The following USP37 variants were observed in gnomAD, a reference collection of about 807,000 sequenced individuals.
The protein encoded by USP37 is ubiquitin carboxyl-terminal hydrolase 37.
In USP37, 27 loss-of-function variants were observed where a neutral mutation model predicts 124.0. The observed-to-expected ratio is 0.22, with a 90% CI of 0.16 to 0.30. USP37 has a LOEUF of 0.30. Among genes scored for constraint, USP37 ranks in the 10% least tolerant of loss-of-function variants. The pLI is 1.00. For synonymous variants in USP37, 365 were observed against 388.0 expected, an observed-to-expected ratio of 0.94 and a Z score of 0.70; for missense variants, 889 against 1,140.4, an observed-to-expected ratio of 0.78 and a Z score of 3.17.
chr2:218,523,827 T>C (rs1690800971), intron 10 of USP37, among the ~76,000 whole-genome samples: 1 of 152,164 alleles, frequency 6.6e-6, no homozygotes, highest in Non-Finnish European at 1.5e-5. Context: ...CCCTTTCCAA[T>C]CCCCAAACCT....
intron 15 of USP37, among the ~76,000 whole-genome samples, chr2:218,487,898 C>A (rs1354176861): frequency 6.6e-6 from 1 of 151,408 alleles, no homozygotes; most frequent in Non-Finnish European, 1.5e-5. Context: ...TGAAACTCTG[C>A]CAAAACCAGG....
At chr2:218,521,230 G>A (rs987082393) in intron 10 of USP37, among the ~76,000 whole-genome samples, 9 of 151,996 alleles carry the variant, frequency 5.9e-5, no homozygotes, top group Admixed American at 1.3e-4. Flanking sequence ...TAAATTATCC[G>A]GTTTCATGTA....
At chr2:218,507,172 G>GT (rs895761749) in intron 11 of USP37, among the ~76,000 whole-genome samples, 8 of 151,354 alleles carry the variant, frequency 5.3e-5, no homozygotes, top group African/African-American at 1.7e-4. Context: ...TTATTTATTT[G>GT]TTTTTTTGAG....
intron 23 of USP37, 52 bp from the exon 24 acceptor site, chr2:218,457,213 A>G (rs1689747237): frequency 6.7e-7 from 1 of 1,497,754 alleles, no homozygotes; most frequent in Non-Finnish European, 9.2e-7. Context: ...AATAAAAGCA[A>G]AACACTGAAT....
intron 8 of USP37, among the ~76,000 whole-genome samples, chr2:218,540,542 G>A (rs1691917828): frequency 6.6e-6 from 1 of 152,124 alleles, no homozygotes; most frequent in African/African-American, 2.4e-5. Context: ...CTATTTGGGA[G>A]GCTGAGGCTT....
Position 218,454,703 on chromosome 2 carries a change from C to T in USP37, c.*227G>A. ...TATTCCTAAGACAAAAGAAGTGCCACTCATAGGAGAAAAAGAGGATAATCA... is the reference window on the plus strand; with the variant it reads ...TATTCCTAAGACAAAAGAAGTGCCATTCATAGGAGAAAAAGAGGATAATCA... On this transcript the variant is annotated 3_prime_UTR_variant, in exon 26 of 26. Transcript: ENST00000258399. The T allele has an allele frequency of 1.3e-6, 1 of 765,844 alleles. No homozygotes were observed. The allele number at this position is 765,844 out of a possible 1,614,324, so 47.4% of individuals were successfully genotyped here. A position where few individuals can be genotyped will look rare whatever the true frequency, so the allele number is the denominator to read the frequency against.
At chr2:218,457,677 TAAAA>T (rs1689766870) in intron 23 of USP37, among the ~76,000 whole-genome samples, 1 of 152,152 alleles carries the variant, frequency 6.6e-6, no homozygotes, top group Non-Finnish European at 1.5e-5. Flanking sequence ...AAAATATGAT[TAAAA>T]TATTTTTGGT....
chr2:218,492,036 C>CA (rs1290552570), intron 14 of USP37, among the ~76,000 whole-genome samples: 1 of 151,872 alleles, frequency 6.6e-6, no homozygotes, highest in African/African-American at 2.4e-5. Flanking sequence ...CCAATCTCTA[C>CA]AAAAAATCAA....
At chr2:218,560,680 T>C (rs933098371) in intron 3 of USP37, 140 bp downstream of exon 3, 5 of 152,198 alleles carry the variant, frequency 3.3e-5, no homozygotes, top group African/African-American at 9.7e-5. Context: ...CATGTAGAAA[T>C]AGCGAACCTA....
chr2:218,518,280 A>T (rs586374), intron 10 of USP37, among the ~76,000 whole-genome samples: 1 of 151,912 alleles, frequency 6.6e-6, no homozygotes, highest in Non-Finnish European at 1.5e-5. Context: ...ATAATTTCAC[A>T]GTTTAAGGTT....
Position 218,485,636 on chromosome 2 carries a change from A to C in USP37, c.1670+28T>G, listed in dbSNP as rs750282545. On this transcript the variant is annotated intron_variant, in intron 16 of 25. Coordinates refer to ENST00000258399, the MANE Select transcript of USP37 (RefSeq NM_020935.3). Reference sequence around the variant, plus strand: ...ACCTGGGAATTCTTTAGTCCATAGCAAAAAAAAAAAAAAAAAAAAAAAATT... The same window carrying C: ...ACCTGGGAATTCTTTAGTCCATAGCCAAAAAAAAAAAAAAAAAAAAAAATT... 5 of 23,916 alleles carry C rather than the reference A, an allele frequency of 2.1e-4. No individual in the cohort carries two copies. The South Asian group carries it at 6.5e-3, about 31-fold the overall frequency. The allele number at this position is 23,916 out of a possible 1,614,324, so 1.5% of individuals were successfully genotyped here.
intron 3 of USP37, among the ~76,000 whole-genome samples, chr2:218,559,384 A>G (rs1476144139): frequency 1.3e-5 from 2 of 152,196 alleles, no homozygotes; most frequent in African/African-American, 4.8e-5. Context: ...CCAAAACATC[A>G]AAGTATATCA....
intron 4 of USP37, among the ~76,000 whole-genome samples, chr2:218,557,146 G>A (rs1481099693): frequency 6.6e-6 from 1 of 152,148 alleles, no homozygotes; most frequent in African/African-American, 2.4e-5. Context: ...TGGGATTACA[G>A]GCATGAGCCA....
intron 8 of USP37, among the ~76,000 whole-genome samples, chr2:218,539,535 T>C (rs1222908556): frequency 1.3e-5 from 2 of 150,712 alleles, no homozygotes; most frequent in Non-Finnish European, 3.0e-5. Context: ...AGCAACGTGG[T>C]GAAACCCCGT....
chr2:218,483,589 C>T (rs1691376257), intron 16 of USP37, among the ~76,000 whole-genome samples: 1 of 146,160 alleles, frequency 6.8e-6, no homozygotes, highest in Non-Finnish European at 1.5e-5. Context: ...AAGTGATCTA[C>T]CAGGAAAAAA....
At chr2:218,472,493 T>C (rs1051708849) in intron 20 of USP37, among the ~76,000 whole-genome samples, 7 of 151,978 alleles carry the variant, frequency 4.6e-5, no homozygotes, top group Non-Finnish European at 8.8e-5. Context: ...GACAGAGTTT[T>C]GCTCTTGTTG....
chr2:218,491,858 C>A (rs1435792018), intron 14 of USP37, among the ~76,000 whole-genome samples: 1 of 152,074 alleles, frequency 6.6e-6, no homozygotes, highest in Non-Finnish European at 1.5e-5. Context: ...CATCACTGAA[C>A]AAATGGCCTT....
intron 3 of USP37, among the ~76,000 whole-genome samples, chr2:218,559,982 TCAAAA>T (rs1247186962): frequency 6.6e-6 from 1 of 151,368 alleles, no homozygotes; most frequent in Admixed American, 6.6e-5. Context: ...AGACCCTGTC[TCAAAA>T]CAAACAAACA....
At chr2:218,566,599 C>G (rs1693608790) in intron 1 of USP37, among the ~76,000 whole-genome samples, 1 of 152,128 alleles carries the variant, frequency 6.6e-6, no homozygotes. Flanking sequence ...ATAACAATAA[C>G]AATTAATGCT....
Sources: gnomAD v4.1 joint callset for allele counts (sites outside exome capture counted in the v4.1 genomes callset) on GRCh38, gnomAD v4.1.1 for gene constraint, MANE v1.5 for transcripts, NCBI Gene and HGNC (gene_info 2026-07-23, HGNC 2026-07-21) for gene names.